Variants in MME observed in about 807,000 individuals in gnomAD.
The protein encoded by MME is neprilysin.
MME carries 98 observed loss-of-function variants against 113.2 expected under a neutral mutation model. The ratio of observed to expected loss-of-function variants is 0.87; its 90% CI spans 0.74 to 1.02. The LOEUF (loss-of-function observed/expected upper bound fraction) is 1.02. MME is among the 50% of genes least tolerant of loss of function. MME has a pLI of 0.00. For missense variants in MME, 836 were observed against 896.0 expected (o/e 0.93, Z 0.86); for synonymous variants, 292 against 300.6 (o/e 0.97, Z 0.30).
chr3:155,148,931 C>T (rs915540917), intron 16 of MME, among the ~76,000 whole-genome samples: 2 of 152,090 alleles, frequency 1.3e-5, no homozygotes, highest in African/African-American at 4.8e-5. Context: ...TATTTGTGAA[C>T]AAGATTCTCA....
At chr3:155,072,024 G>A (rs1054929584) in intron 1 of MME, among the ~76,000 whole-genome samples, 4 of 152,094 alleles carry the variant, frequency 2.6e-5, no homozygotes, top group Admixed American at 6.5e-5. Context: ...AGCCGGGCGC[G>A]GTGGCGGGCG....
At chr3:155,097,298 C>A (rs1317061659) in intron 3 of MME, among the ~76,000 whole-genome samples, 3 of 151,888 alleles carry the variant, frequency 2.0e-5, no homozygotes, top group Admixed American at 1.3e-4. Context: ...AGAAGAGAAC[C>A]CAGAATTGCA....
intron 1 of MME, among the ~76,000 whole-genome samples, chr3:155,053,219 T>C (rs1048807893): frequency 6.6e-6 from 1 of 152,218 alleles, no homozygotes; most frequent in African/African-American, 2.4e-5. Flanking sequence ...AAGTCACTTC[T>C]GAATTTTTGG....
intron 2 of MME, among the ~76,000 whole-genome samples, chr3:155,084,548 G>T (rs112160750): frequency 4.6e-5 from 7 of 152,176 alleles, no homozygotes; most frequent in Non-Finnish European, 1.0e-4. Context: ...AGTATATTTA[G>T]TGCGCTCACG....
intron 22 of MME, among the ~76,000 whole-genome samples, chr3:155,174,325 C>CGA (rs1712287973): frequency 9.1e-6 from 1 of 110,258 alleles, no homozygotes; most frequent in Non-Finnish European, 1.9e-5. Flanking sequence ...ACAACAGAAG[C>CGA]GTGTGTGTGT....
At chr3:155,060,004 T>C (rs1004995836) in intron 1 of MME, among the ~76,000 whole-genome samples, 1 of 152,188 alleles carries the variant, frequency 6.6e-6, no homozygotes, top group African/African-American at 2.4e-5. Context: ...TGTTAATCAG[T>C]TGATTACTCT....
In MME at chr3:155,037,308, A is replaced by G. The variant is rs528022113; in HGVS notation, c.-11+12984A>G. Among the ~76,000 whole-genome samples, 12 of 152,334 alleles carry G rather than the reference A, an allele frequency of 7.9e-5. No individual in the cohort carries two copies. The South Asian group carries it at 2.5e-3, about 32-fold the overall frequency. ...ATGTTTTTTAGGTTAAATCTGATAA[A>G]TAGAAATTCTCACAAAATTGCTCGG... On this transcript the variant is annotated intron_variant, in intron 1 of 22. Coordinates refer to the MME transcript ENST00000492661.
At chr3:155,145,875 A>T (rs1316249144) in intron 14 of MME, among the ~76,000 whole-genome samples, 3 of 152,146 alleles carry the variant, frequency 2.0e-5, no homozygotes, top group Admixed American at 6.6e-5. Context: ...GTCATGACTG[A>T]TGGCAAACCT....
intron 1 of MME, among the ~76,000 whole-genome samples, chr3:155,061,226 G>T (rs1241428028): frequency 6.6e-6 from 1 of 152,134 alleles, no homozygotes; most frequent in African/African-American, 2.4e-5. Context: ...GCCGAGGTGG[G>T]CAGATCACGA....
chr3:155,083,434 C>T (rs1208069179), intron 1 of MME: 2 of 152,204 alleles, frequency 1.3e-5, no homozygotes, highest in Non-Finnish European at 2.9e-5. Context: ...ACTTTTTGTA[C>T]TATTTTGTTT....
intron 1 of MME, among the ~76,000 whole-genome samples, chr3:155,072,445 C>G (rs185711276): frequency 3.3e-5 from 5 of 152,302 alleles, no homozygotes; most frequent in Non-Finnish European, 7.4e-5. Flanking sequence ...CTTCTGTTTT[C>G]TTTGTATCTA....
At chr3:155,107,791 A>G (rs1559921809) in intron 3 of MME, among the ~76,000 whole-genome samples, 1 of 152,178 alleles carries the variant, frequency 6.6e-6, no homozygotes. Flanking sequence ...GAACAAGGGA[A>G]CTATAGACAA....
chr3:155,042,920 A>ATATATATATATGTG (rs1559890075), intron 1 of MME, among the ~76,000 whole-genome samples: 1 of 59,946 alleles, frequency 1.7e-5, no homozygotes, highest in Non-Finnish European at 3.1e-5. Context: ...ATATATATAT[A>ATATATATATATGTG]TATATATATA....
At chr3:155,134,379 G>T (rs1720447977) in intron 8 of MME, among the ~76,000 whole-genome samples, 1 of 152,052 alleles carries the variant, frequency 6.6e-6, no homozygotes, top group Non-Finnish European at 1.5e-5. Flanking sequence ...TTATAAATGA[G>T]AACATGTGGT....
intron 3 of MME, among the ~76,000 whole-genome samples, chr3:155,110,728 A>G (rs1284650372): frequency 6.6e-6 from 1 of 152,206 alleles, no homozygotes; most frequent in Non-Finnish European, 1.5e-5. Flanking sequence ...TGTTCATCTA[A>G]TACAAATTGG....
At position 155,180,882 on chromosome 3, in the gene MME, A is replaced by G. The variant is rs958208019; in HGVS notation, c.*423A>G. 2 of 183,714 alleles carry G rather than the reference A, an allele frequency of 1.1e-5. No homozygotes were observed. Among genetic ancestry groups the G allele is most frequent in the Non-Finnish European group, 2.3e-5 (2 of 85,154 alleles). The allele number at this position is 183,714 out of a possible 1,614,324, so 11.4% of individuals were successfully genotyped here. A position where few individuals can be genotyped will look rare whatever the true frequency, so the allele number is the denominator to read the frequency against. On this transcript the variant is annotated 3_prime_UTR_variant, in exon 23 of 23. Coordinates refer to ENST00000360490, the MANE Select transcript of MME (RefSeq NM_007289.4). ...TAGGTGACACTATAGTTTAAAACAC[A>G]TTGCCTAACTACTAGTTTTTACTTT...
chr3:155,106,949 T>G (rs1329273636), intron 3 of MME, among the ~76,000 whole-genome samples: 1 of 152,204 alleles, frequency 6.6e-6, no homozygotes, highest in Non-Finnish European at 1.5e-5. Flanking sequence ...GATACTGGTG[T>G]TGTGTGTTTG....
chr3:155,030,448 G>T (rs1196719398), intron 1 of MME, among the ~76,000 whole-genome samples: 1 of 152,036 alleles, frequency 6.6e-6, no homozygotes, highest in Non-Finnish European at 1.5e-5. Context: ...TGACTTCAGG[G>T]TGTAGCCCTT....
chr3:155,134,334 T>C (rs1405394675), intron 8 of MME, among the ~76,000 whole-genome samples: 2 of 152,098 alleles, frequency 1.3e-5, no homozygotes, highest in African/African-American at 4.8e-5. Context: ...TATTGCCATC[T>C]CTATGTCCTT....
Sources: gnomAD v4.1 joint callset for allele counts (sites outside exome capture counted in the v4.1 genomes callset) on GRCh38, gnomAD v4.1.1 for gene constraint, MANE v1.5 for transcripts, NCBI Gene and HGNC (gene_info 2026-07-23, HGNC 2026-07-21) for gene names.